Variants in EXOSC10 observed in about 807,000 individuals in gnomAD.
EXOSC10 encodes exosome complex component 10.
A neutral mutation model predicts 126.6 loss-of-function variants in EXOSC10; 94 were observed. The observed-to-expected ratio is 0.74, with a 90% CI of 0.63 to 0.88. The LOEUF (loss-of-function observed/expected upper bound fraction) is 0.88, where lower values mean the gene tolerates loss of function less well. EXOSC10 is among the 40% of genes least tolerant of loss of function. EXOSC10 has a pLI of 0.00. For missense variants in EXOSC10, 1,041 were observed against 1,100.5 expected (o/e 0.95, Z 0.77); for synonymous variants, 395 against 400.8 (o/e 0.99, Z 0.17).
At chr1:11,068,791 A>G in intron 22 of EXOSC10, 85 bp from the exon 23 acceptor site, 1 of 1,077,260 alleles carries the variant, frequency 9.3e-7, no homozygotes, top group East Asian at 2.4e-5. Flanking sequence ...CGGGACCATG[A>G]CACTCAGGGA....
At chr1:11,085,517 TG>T (rs1640443377) in intron 9 of EXOSC10, among the ~76,000 whole-genome samples, 1 of 152,210 alleles carries the variant, frequency 6.6e-6, no homozygotes, top group Non-Finnish European at 1.5e-5. Context: ...AAGGAGATTT[TG>T]GGCTGAGACA....
intron 22 of EXOSC10, chr1:11,069,044 T>G: frequency 2.9e-6 from 1 of 348,744 alleles, no homozygotes; most frequent in South Asian, 3.9e-5. Flanking sequence ...GCGACACTCC[T>G]GTATAAAGGG....
At chr1:11,087,385 C>A in intron 9 of EXOSC10, 63 bp downstream of exon 9, 1 of 1,587,010 alleles carries the variant, frequency 6.3e-7, no homozygotes, top group Non-Finnish European at 8.6e-7. Context: ...TGAAATAGTA[C>A]ACTGAAAAGC....
intron 19 of EXOSC10, chr1:11,072,500 A>G: frequency 4.3e-6 from 1 of 232,638 alleles, no homozygotes; most frequent in Non-Finnish European, 8.5e-6. Flanking sequence ...AACTTGTCCA[A>G]GGGACATGGT....
At chr1:11,084,982 T>C (rs1200076437) in intron 9 of EXOSC10, among the ~76,000 whole-genome samples, 1 of 152,216 alleles carries the variant, frequency 6.6e-6, no homozygotes, top group Non-Finnish European at 1.5e-5. Context: ...GTTCTATTGA[T>C]CTATATCTCT....
chr1:11,077,177 G>T, intron 16 of EXOSC10, 188 bp downstream of exon 16: 1 of 644,682 alleles, frequency 1.6e-6, no homozygotes, highest in Non-Finnish European at 2.7e-6. Flanking sequence ...TTTTAGTAGA[G>T]ATGGGGTTTC....
chr1:11,094,703 C>A (rs571536437), intron 3 of EXOSC10, among the ~76,000 whole-genome samples: 2 of 151,154 alleles, frequency 1.3e-5, no homozygotes, highest in African/African-American at 4.9e-5. Context: ...CGGGTTCAAG[C>A]GATTCTCCTG....
rs550973348 is a variant in EXOSC10, at chr1:11,087,500, C to G, written c.1037G>C (p.Arg346Pro). 3.7e-6 allele frequency: 6 copies of G among 1,613,892 alleles called. No homozygotes were observed. The highest frequency in any genetic ancestry group is 3.3e-4 in the Middle Eastern group (2 of 6,084). The change falls in exon 9 of 25, where the codon CGA (arginine) becomes CCA (proline). Residue 346 changes from arginine to proline, a missense_variant. By Grantham distance (103) the Arg-to-Pro change is moderately radical. This residue lies in a region of EXOSC10 where 645 missense variants were observed against 656.3 expected (regional missense o/e 0.98). Coordinates refer to ENST00000376936, the MANE Select transcript of EXOSC10 (RefSeq NM_001001998.3). Reference protein sequence around the residue: ...EDFIIDTLELRSDMYILNESL... With the variant: ...EDFIIDTLELPSDMYILNESL... Reference sequence around the variant, plus strand: ...CTCATTGAGAATGTACATGTCACTTCGAAGCTCGAGGGTGTCAATGATGAA... The same window carrying G: ...CTCATTGAGAATGTACATGTCACTTGGAAGCTCGAGGGTGTCAATGATGAA...
intron 3 of EXOSC10, 77 bp downstream of exon 3, chr1:11,095,680 CT>C: frequency 7.1e-7 from 1 of 1,401,080 alleles, no homozygotes; most frequent in Non-Finnish European, 1.0e-6. Flanking sequence ...CATCACTGCA[CT>C]CCAGCCTGGG....
chr1:11,068,904 C>T, intron 22 of EXOSC10, 198 bp from the exon 23 acceptor site: 1 of 598,632 alleles, frequency 1.7e-6, no homozygotes, highest in Non-Finnish European at 3.0e-6. Flanking sequence ...AGTCTGAAAA[C>T]CAGGCCCATT....
chr1:11,069,828 T>C (rs1639354256), intron 21 of EXOSC10, 98 bp from the exon 22 acceptor site: 2 of 1,309,340 alleles, frequency 1.5e-6, no homozygotes, highest in Admixed American at 4.1e-5. Flanking sequence ...GCTGCCTAAG[T>C]GGTAAGAAGA....
chr1:11,079,517 C>T (rs1311744543), intron 14 of EXOSC10, among the ~76,000 whole-genome samples, 194 bp downstream of exon 14: 3 of 150,492 alleles, frequency 2.0e-5, no homozygotes, highest in South Asian at 2.1e-4. Context: ...CCTCAGCCTC[C>T]GGAGTAGCTG....
Position 11,068,082 on chromosome 1 carries a change from T to C in EXOSC10, c.2553A>G (p.Lys851=). The part of the protein sequence containing the change: ...DPNKQTPSGK[K]CIAAKKIKQS... ...GTTTAATTTTTTTGGCTGCAATGCATTTCTGAAAAGAAAAGAAACCGTTTA... is the reference window on the plus strand; with the variant it reads ...GTTTAATTTTTTTGGCTGCAATGCACTTCTGAAAAGAAAAGAAACCGTTTA... Residue 851 remains lysine, a splice_region_variant and synonymous_variant, in exon 24 of 25, where the codon AAA becomes AAG. Coordinates refer to ENST00000376936, the MANE Select transcript of EXOSC10 (RefSeq NM_001001998.3). The C allele has an allele frequency of 1.9e-6, 3 of 1,614,074 alleles. No homozygotes were observed. The highest frequency in any genetic ancestry group is 2.5e-6 in the Non-Finnish European group (3 of 1,179,940).
At chr1:11,090,488 A>G (rs899538934) in intron 6 of EXOSC10, 66 bp downstream of exon 6, 1 of 1,318,728 alleles carries the variant, frequency 7.6e-7, no homozygotes, top group South Asian at 1.2e-5. Context: ...TATACTCCAC[A>G]AAAGTGAAAA....
chr1:11,077,083 C>T lies in EXOSC10; in HGVS notation c.1880-135G>A, dbSNP rs1163398342. On this transcript the variant is annotated intron_variant, in intron 16 of 24. Transcript: ENST00000376936. ...CTCGGCTCACTGCAACCTCCGCCTC[C>T]TCGGTTCAAGTGATTCTCCTGCCTC... is the stretch of plus-strand genomic sequence containing the variant. The T allele has an allele frequency of 1.0e-5, 7 of 682,416 alleles. No individual in the cohort carries two copies. In the East Asian group the frequency reaches 1.9e-4, roughly 19 times the overall value. The allele number at this position is 682,416 out of a possible 1,614,324, so 42.3% of individuals were successfully genotyped here.
chr1:11,068,746 A>G (rs769255797), intron 22 of EXOSC10, 40 bp from the exon 23 acceptor site: 4 of 1,517,966 alleles, frequency 2.6e-6, no homozygotes, highest in Middle Eastern at 1.7e-4. Context: ...GGTCAGGTCA[A>G]TGAGTTACCA....
chr1:11,098,029 A>G lies in EXOSC10; in HGVS notation c.239T>C (p.Leu80Ser). The change falls in exon 2 of 25, where the codon TTG becomes TCG. Residue 80 changes from leucine (L) to serine (S), a missense_variant. Leu to Ser is a moderately radical substitution (Grantham distance 145). Coordinates refer to ENST00000376936, the MANE Select transcript of EXOSC10 (RefSeq NM_001001998.3). ...QAFCETQGDR[L>S]LQCMSRVMQY... ...AAAGTACAGTACTTACCACTGAAGC[A>G]ACCTGTCTCCCTGTGTTTCGCAAAA... The G allele has an allele frequency of 6.2e-7, 1 of 1,609,058 alleles. No homozygotes were observed. The highest frequency in any genetic ancestry group is 8.5e-7 in the Non-Finnish European group (1 of 1,178,466).
At chr1:11,097,204 C>T (rs1471831358) in intron 2 of EXOSC10, among the ~76,000 whole-genome samples, 1 of 150,964 alleles carries the variant, frequency 6.6e-6, no homozygotes, top group Admixed American at 6.6e-5. Context: ...AGCAAGACTC[C>T]GTACTCCCCC....
intron 22 of EXOSC10, chr1:11,068,981 A>T: frequency 2.0e-6 from 1 of 506,476 alleles, no homozygotes; most frequent in Non-Finnish European, 3.5e-6. Flanking sequence ...CACATAAGGA[A>T]ATCCATTCTG....
Sources: gnomAD v4.1 joint callset for allele counts (sites outside exome capture counted in the v4.1 genomes callset) on GRCh38, gnomAD v4.1.1 for gene constraint, gnomAD v4.1.1 regional missense constraint, MANE v1.5 for transcripts, NCBI Gene and HGNC (gene_info 2026-07-23, HGNC 2026-07-21) for gene names.